TPD52L2: variants seen among roughly 807,000 people sequenced by gnomAD.
The protein encoded by TPD52L2 is tumor protein D54.
A neutral mutation model predicts 24.7 loss-of-function variants in TPD52L2; 19 were observed. The ratio of observed to expected loss-of-function variants is 0.77; its 90% CI spans 0.54 to 1.13. The LOEUF is 1.13. Among genes scored for constraint, TPD52L2 ranks in the 50% most tolerant of loss-of-function variants. The pLI is 0.00. For synonymous variants in TPD52L2, 104 were observed against 100.2 expected, an observed-to-expected ratio of 1.04 and a Z score of -0.23; for missense variants, 236 against 250.4, an observed-to-expected ratio of 0.94 and a Z score of 0.39.
intron 1 of TPD52L2, 57 bp from the exon 2 acceptor site, chr20:63,869,239 G>T: frequency 6.2e-7 from 1 of 1,604,564 alleles, no homozygotes. Context: ...GACCTCTACC[G>T]TATTTACTTG....
At chr20:63,869,249 G>A in intron 1 of TPD52L2, 47 bp from the exon 2 acceptor site, 1 of 1,609,478 alleles carries the variant, frequency 6.2e-7, no homozygotes, top group Non-Finnish European at 8.5e-7. Context: ...GTATTTACTT[G>A]GAACTAACTT....
At chr20:63,872,704 GTTGTT>G (rs1247987926) in intron 2 of TPD52L2, among the ~76,000 whole-genome samples, 1 of 142,470 alleles carries the variant, frequency 7.0e-6, no homozygotes, top group Non-Finnish European at 1.5e-5. Context: ...TTTTGTTGTT[GTTGTT>G]TTGTTTTGTT....
chr20:63,878,920 C>G (rs2052791069), intron 4 of TPD52L2, among the ~76,000 whole-genome samples: 1 of 152,206 alleles, frequency 6.6e-6, no homozygotes, highest in African/African-American at 2.4e-5. Context: ...GCTCAGCTTC[C>G]CCATCTGTCA....
intron 2 of TPD52L2, among the ~76,000 whole-genome samples, chr20:63,871,683 G>A (rs1053912736): frequency 6.7e-6 from 1 of 149,710 alleles, no homozygotes; most frequent in Non-Finnish European, 1.5e-5. Context: ...GCCCAGGCTG[G>A]AGTGGAATGG....
At chr20:63,889,635 C>G (rs1324113046) in intron 6 of TPD52L2, among the ~76,000 whole-genome samples, 3 of 152,202 alleles carry the variant, frequency 2.0e-5, no homozygotes, top group South Asian at 2.1e-4. Context: ...TGGAACGATA[C>G]AGTGTGCAGC....
At chr20:63,885,785 G>A (rs1199748656) in intron 5 of TPD52L2, among the ~76,000 whole-genome samples, 4 of 152,242 alleles carry the variant, frequency 2.6e-5, no homozygotes, top group African/African-American at 9.6e-5. Flanking sequence ...TGCTAGTCAT[G>A]ATCTTGCGAG....
intron 3 of TPD52L2, 104 bp downstream of exon 3, chr20:63,873,920 C>A: frequency 7.6e-7 from 1 of 1,321,006 alleles, no homozygotes; most frequent in Non-Finnish European, 9.9e-7. Context: ...CGAGTTGCAG[C>A]CGTGGAGTTG....
intron 4 of TPD52L2, chr20:63,876,559 G>A: frequency 2.8e-6 from 1 of 356,082 alleles, no homozygotes; most frequent in East Asian, 7.4e-5. Flanking sequence ...TTTAAACTGA[G>A]GAGGGGAATA....
chr20:63,876,829 C>T (rs959167400), intron 4 of TPD52L2: 6 of 455,166 alleles, frequency 1.3e-5, no homozygotes, highest in Admixed American at 2.4e-5. Context: ...TCCAGGGACC[C>T]GGGTGGTTCG....
chr20:63,889,856 G>T lies in TPD52L2; in HGVS notation c.532G>T (p.Val178Phe), dbSNP rs749147905. 6.2e-7 allele frequency: 1 copy of T among 1,613,978 alleles called. No homozygotes were observed. Among genetic ancestry groups the T allele is most frequent in the Admixed American group, 1.7e-5 (1 of 60,000 alleles). ...EDRVGTIKSK[V>F]VGDRENGSDN... ...CATCTTTTCTCTCCTGTAGTCTAAG[G>T]TTGTGGGTGACAGAGAGAACGGCAG... The change falls in exon 7 of 7, where the codon GTT becomes TTT. Residue 178 changes from valine (V) to phenylalanine (F), a missense_variant. Physicochemically the swap from Val to Phe is conservative, Grantham distance 50. Transcript: ENST00000346249.
intron 1 of TPD52L2, among the ~76,000 whole-genome samples, chr20:63,868,257 G>A (rs1302998585): frequency 6.6e-6 from 1 of 152,216 alleles, no homozygotes; most frequent in African/African-American, 2.4e-5. Flanking sequence ...CAGGGAAAGT[G>A]TTACAATAGT....
intron 4 of TPD52L2, among the ~76,000 whole-genome samples, chr20:63,876,210 C>T (rs569336069): frequency 9.2e-5 from 14 of 152,340 alleles, no homozygotes; most frequent in East Asian, 1.9e-4. Context: ...AGCTGGACAA[C>T]ACCACTTGGC....
At chr20:63,880,638 C>T (rs913115092) in intron 4 of TPD52L2, among the ~76,000 whole-genome samples, 1 of 152,172 alleles carries the variant, frequency 6.6e-6, no homozygotes, top group Non-Finnish European at 1.5e-5. Context: ...CACCTGTAAT[C>T]CCAACACTTT....
intron 1 of TPD52L2, among the ~76,000 whole-genome samples, chr20:63,866,325 G>A (rs2052231716): frequency 6.6e-6 from 1 of 152,028 alleles, no homozygotes; most frequent in Non-Finnish European, 1.5e-5. Context: ...GGATGGTCTC[G>A]ATCTCTTGAC....
At chr20:63,869,112 G>A (rs1027564311) in intron 1 of TPD52L2, among the ~76,000 whole-genome samples, 184 bp from the exon 2 acceptor site, 1 of 152,174 alleles carries the variant, frequency 6.6e-6, no homozygotes, top group Non-Finnish European at 1.5e-5. Flanking sequence ...CAGCTCAGGT[G>A]GTCTGAGGTG....
At chr20:63,889,286 T>TA in intron 6 of TPD52L2, 48 bp downstream of exon 6, 1 of 1,505,156 alleles carries the variant, frequency 6.6e-7, no homozygotes, top group Non-Finnish European at 9.2e-7. Context: ...TGTGACCTGT[T>TA]ACAGCAACTT....
At chr20:63,887,907 G>A (rs2053193866) in intron 5 of TPD52L2, 2 of 487,342 alleles carry the variant, frequency 4.1e-6, no homozygotes, top group Middle Eastern at 5.5e-4. Context: ...GGTTCGAGGG[G>A]CTCGCACACA....
At chr20:63,867,056 C>A (rs542768358) in intron 1 of TPD52L2, among the ~76,000 whole-genome samples, 1 of 150,922 alleles carries the variant, frequency 6.6e-6, no homozygotes, top group East Asian at 2.0e-4. Context: ...TGGGTTCAAG[C>A]GATTCTCCTG....
At chr20:63,870,474 C>T (rs1478965625) in intron 2 of TPD52L2, among the ~76,000 whole-genome samples, 1 of 148,120 alleles carries the variant, frequency 6.8e-6, no homozygotes, top group South Asian at 2.2e-4. Flanking sequence ...AGTTTAGAAA[C>T]TAAATCCACA....
Sources: gnomAD v4.1 joint callset for allele counts (sites outside exome capture counted in the v4.1 genomes callset) on GRCh38, gnomAD v4.1.1 for gene constraint, MANE v1.5 for transcripts, NCBI Gene and HGNC (gene_info 2026-07-23, HGNC 2026-07-21) for gene names.